The following PTPN21 variants were observed in gnomAD, a reference collection of about 807,000 sequenced individuals.
The protein encoded by PTPN21 is protein tyrosine phosphatase non-receptor type 21.
A neutral mutation model predicts 131.8 loss-of-function variants in PTPN21; 77 were observed. The observed-to-expected ratio is 0.58, with a 90% CI of 0.49 to 0.71. The LOEUF (loss-of-function observed/expected upper bound fraction) is 0.71. PTPN21 is among the 30% of genes least tolerant of loss of function. The pLI, the probability that PTPN21 is intolerant of heterozygous loss-of-function variation, is 0.00. For missense variants in PTPN21, 1,552 were observed against 1,527.1 expected (o/e 1.02, Z -0.27); for synonymous variants, 715 against 621.3 (o/e 1.15, Z -2.24).
chr14:88,468,830 C>T, intron 18 of PTPN21, 86 bp downstream of exon 18: 2 of 1,555,576 alleles, frequency 1.3e-6, no homozygotes, highest in Non-Finnish European at 1.8e-6. Context: ...GAAATGTGCG[C>T]AAAAAGAGCT....
chr14:88,479,113 T>TC lies in PTPN21; in HGVS notation c.2317dup (p.Asp773GlyfsTer81), dbSNP rs2077593709. ...TGCGGTCGTGCGGACGGGGCTGCTG[T>TC]CCATCATCCTCTTCTCCGCGTCTGG... On this transcript the variant is annotated frameshift_variant, in exon 13 of 19. Transcript: ENST00000556564. LOFTEE classifies it high-confidence loss of function. 1 of 1,563,086 alleles carries TC rather than the reference T, an allele frequency of 6.4e-7. No individual in the cohort carries two copies. The highest frequency in any genetic ancestry group is 8.6e-7 in the Non-Finnish European group (1 of 1,156,486).
intron 9 of PTPN21, 94 bp from the exon 10 acceptor site, chr14:88,496,586 T>G (rs1398696034): frequency 1.1e-6 from 1 of 949,310 alleles, no homozygotes; most frequent in African/African-American, 1.6e-5. Flanking sequence ...ATGGGTGACA[T>G]CATATGACAA....
intron 2 of PTPN21, among the ~76,000 whole-genome samples, chr14:88,546,403 A>AT (rs1271636536): frequency 1.3e-5 from 2 of 151,060 alleles, no homozygotes; most frequent in Non-Finnish European, 3.0e-5. Context: ...ACTTAAAAAA[A>AT]AAAAAAATAC....
At chr14:88,491,228 G>A (rs960340786) in intron 10 of PTPN21, among the ~76,000 whole-genome samples, 176 of 152,256 alleles carry the variant, frequency 1.2e-3, no homozygotes, top group African/African-American at 4.0e-3. Flanking sequence ...GAAGGCTGTT[G>A]GATTATGCCA....
At chr14:88,525,684 C>T (rs1187380118) in intron 2 of PTPN21, among the ~76,000 whole-genome samples, 1 of 152,164 alleles carries the variant, frequency 6.6e-6, no homozygotes, top group Admixed American at 6.5e-5. Flanking sequence ...TATGATCCAG[C>T]AATTCCACTT....
Position 88,478,932 on chromosome 14 carries a change from G to A in PTPN21, c.2499C>T (p.Leu833=). 1 of 1,504,738 alleles carries A rather than the reference G, an allele frequency of 6.6e-7. No individual in the cohort carries two copies. The highest frequency in any genetic ancestry group is 8.9e-7 in the Non-Finnish European group (1 of 1,127,732). The allele number at this position is 1,504,738 out of a possible 1,614,324, so 93.2% of individuals were successfully genotyped here. A position where few individuals can be genotyped will look rare whatever the true frequency, so the allele number is the denominator to read the frequency against. Residue 833 remains leucine (L), a synonymous_variant, in exon 13 of 19, where the codon CTC becomes CTT. Coordinates refer to ENST00000556564, the MANE Select transcript of PTPN21 (RefSeq NM_007039.4). ...LSGKKNIVEG[L]PPLGGMKKTR... is the part of the protein sequence containing the mutation. ...CCGCGTGGCTTACCCCTAGAGGCGG[G>A]AGCCCTTCCACGATGTTCTTCTTCC...
chr14:88,479,404 C>G lies in PTPN21; in HGVS notation c.2027G>C (p.Ser676Thr). The G allele has an allele frequency of 6.2e-7, 1 of 1,603,896 alleles. No homozygotes were observed. Among genetic ancestry groups the G allele is most frequent in the Non-Finnish European group, 8.5e-7 (1 of 1,178,934 alleles). Reference sequence around the variant, plus strand: ...TCGCTGTGTCCTCTCGGTGAAAACGCTGGGCTGGGAGCCCACCGAGACGGC... The same window carrying G: ...TCGCTGTGTCCTCTCGGTGAAAACGGTGGGCTGGGAGCCCACCGAGACGGC... Reference protein sequence around the residue: ...PRAVSVGSQPSVFTERTQREG... With the variant: ...PRAVSVGSQPTVFTERTQREG... Residue 676 changes from serine (S) to threonine (T), a missense_variant, in exon 13 of 19, where the codon AGC (serine) becomes ACC (threonine). Physicochemically the swap from Ser to Thr is moderately conservative, Grantham distance 58. Coordinates refer to ENST00000556564, the MANE Select transcript of PTPN21 (RefSeq NM_007039.4).
chr14:88,518,406 ATATATATATTTTTTTTTT>A (rs2078329615), intron 2 of PTPN21, among the ~76,000 whole-genome samples: 3 of 20,496 alleles, frequency 1.5e-4, no homozygotes, highest in African/African-American at 3.4e-4. Context: ...ATATATATAT[ATATATATATTTTTTTTTT>A]TTTTTTTTTT....
chr14:88,474,131 C>CAAAAAAAAAA (rs754719071), intron 13 of PTPN21, among the ~76,000 whole-genome samples: 15 of 46,658 alleles, frequency 3.2e-4, no homozygotes, highest in African/African-American at 5.5e-4. Context: ...AGCTGAAGTC[C>CAAAAAAAAAA]AAAAAAAAAA....
Position 88,550,513 on chromosome 14 carries a change from T to C in PTPN21, c.-96A>G. 1.1e-5 allele frequency: 13 copies of C among 1,189,646 alleles called. No homozygotes were observed. Among genetic ancestry groups the C allele is most frequent in the Non-Finnish European group, 1.4e-5 (12 of 846,648 alleles). The allele number at this position is 1,189,646 out of a possible 1,614,324, so 73.7% of individuals were successfully genotyped here. On this transcript the variant is annotated 5_prime_UTR_variant, in exon 2 of 19. Transcript: ENST00000556564. ...CCAGGAGAAAGCGATCCTCTCCGGA[T>C]GGGACGAACACTGTCCGGCCTCCAG...
chr14:88,479,143 T>C lies in PTPN21; in HGVS notation c.2288A>G (p.His763Arg), dbSNP rs748138868. Residue 763 changes from histidine to arginine, a missense_variant, in exon 13 of 19, where the codon CAC becomes CGC. By Grantham distance (29) the His-to-Arg change is conservative (BLOSUM62 0). Transcript: ENST00000556564. ...CATCCTCTTCTCCGCGTCTGGGACGTGGGCCTTGGGCTCCAGGATGTGCAG... is the reference window on the plus strand; with the variant it reads ...CATCCTCTTCTCCGCGTCTGGGACGCGGGCCTTGGGCTCCAGGATGTGCAG... ...GPLHILEPKA[H>R]VPDAEKRMMD... The C allele has an allele frequency of 1.1e-5, 17 of 1,551,274 alleles. No homozygotes were observed. The highest frequency in any genetic ancestry group is 8.3e-5 in the African/African-American group (6 of 72,400).
intron 2 of PTPN21, among the ~76,000 whole-genome samples, chr14:88,541,398 C>G (rs2078703553): frequency 2.0e-5 from 3 of 152,042 alleles, no homozygotes; most frequent in African/African-American, 7.2e-5. Flanking sequence ...ATGATGAATC[C>G]TTGTTAATAG....
chr14:88,530,650 C>T (rs569640995), intron 2 of PTPN21, among the ~76,000 whole-genome samples: 3 of 151,816 alleles, frequency 2.0e-5, no homozygotes, highest in Non-Finnish European at 2.9e-5. Flanking sequence ...TTATATTGGG[C>T]GAATCAGGCT....
At chr14:88,521,141 C>A (rs1238314633) in intron 2 of PTPN21, among the ~76,000 whole-genome samples, 3 of 152,000 alleles carry the variant, frequency 2.0e-5, no homozygotes, top group Non-Finnish European at 4.4e-5. Context: ...ACTGTGCCAG[C>A]CTGAAAACCA....
At chr14:88,526,300 A>C (rs1032409464) in intron 2 of PTPN21, among the ~76,000 whole-genome samples, 2 of 152,176 alleles carry the variant, frequency 1.3e-5, no homozygotes, top group Non-Finnish European at 2.9e-5. Flanking sequence ...CTATAATCCC[A>C]GCACTTTGGG....
chr14:88,486,682 A>T (rs111732246), intron 10 of PTPN21, among the ~76,000 whole-genome samples: 4 of 152,228 alleles, frequency 2.6e-5, no homozygotes, highest in African/African-American at 9.6e-5. Flanking sequence ...TATACTTTTT[A>T]AAAAAACACC....
chr14:88,495,013 C>CAAAAAAAAAAAAA (rs386382090), intron 10 of PTPN21, among the ~76,000 whole-genome samples: 1 of 49,188 alleles, frequency 2.0e-5, no homozygotes, highest in African/African-American at 6.8e-5. Flanking sequence ...ACTCTGTCTC[C>CAAAAAAAAAAAAA]AAAAAAAAAA....
chr14:88,492,942 A>G, intron 10 of PTPN21: 1 of 374,560 alleles, frequency 2.7e-6, no homozygotes, highest in South Asian at 2.0e-5. Flanking sequence ...CAAACAAGAG[A>G]GACAGATCAA....
intron 18 of PTPN21, 151 bp from the exon 19 acceptor site, chr14:88,468,416 T>C: frequency 1.4e-6 from 1 of 726,560 alleles, no homozygotes; most frequent in Non-Finnish European, 2.2e-6. Flanking sequence ...CATGATTGCC[T>C]ACTTCTGATT....
Sources: allele counts gnomAD v4.1 joint callset (sites outside exome capture counted in the v4.1 genomes callset), GRCh38; gene constraint gnomAD v4.1.1; transcripts MANE v1.5; gene names NCBI Gene and HGNC (gene_info 2026-07-23, HGNC 2026-07-21).